The following SPDEF variants were observed in gnomAD, a reference collection of about 807,000 sequenced individuals.
SPDEF encodes SAM pointed domain containing ETS transcription factor.
A neutral mutation model predicts 36.0 loss-of-function variants in SPDEF; 12 were observed. The ratio of observed to expected loss-of-function variants is 0.33; its 90% CI spans 0.21 to 0.54. The LOEUF (loss-of-function observed/expected upper bound fraction) is 0.54, where lower values mean the gene tolerates loss of function less well. Among genes scored for constraint, SPDEF ranks in the 20% least tolerant of loss-of-function variants. The pLI, the probability that SPDEF is intolerant of heterozygous loss-of-function variation, is 0.93. For missense variants in SPDEF, 388 were observed against 456.9 expected (o/e 0.85, Z 1.37); for synonymous variants, 205 against 193.0 (o/e 1.06, Z -0.51).
At chr6:34,553,248 C>A (rs1768101203) in intron 1 of SPDEF, among the ~76,000 whole-genome samples, 1 of 152,210 alleles carries the variant, frequency 6.6e-6, no homozygotes, top group Non-Finnish European at 1.5e-5. Context: ...CAGAATCTGG[C>A]AGGGGGCACC....
At chr6:34,553,391 G>C (rs1299903860) in intron 1 of SPDEF, among the ~76,000 whole-genome samples, 1 of 152,030 alleles carries the variant, frequency 6.6e-6, no homozygotes, top group Non-Finnish European at 1.5e-5. Context: ...CCACTCGCTT[G>C]GCTGGGGGCA....
chr6:34,547,066 C>T (rs1767970397), intron 1 of SPDEF, among the ~76,000 whole-genome samples: 1 of 151,308 alleles, frequency 6.6e-6, no homozygotes, highest in South Asian at 2.1e-4. Context: ...TCCCCAGAGC[C>T]CCCATGCCTG....
chr6:34,546,698 C>A (rs368071591), intron 1 of SPDEF, among the ~76,000 whole-genome samples: 1 of 150,812 alleles, frequency 6.6e-6, no homozygotes, highest in East Asian at 2.0e-4. Context: ...GGAGAAAATG[C>A]CAGCAGGAGG....
At chr6:34,545,934 GCACA>G (rs374777796) in intron 1 of SPDEF, among the ~76,000 whole-genome samples, 1 of 151,308 alleles carries the variant, frequency 6.6e-6, no homozygotes. Flanking sequence ...CAAAACACAC[GCACA>G]CACACACAAA....
intron 1 of SPDEF, among the ~76,000 whole-genome samples, chr6:34,546,399 A>G (rs1767954226): frequency 6.6e-6 from 1 of 151,758 alleles, no homozygotes; most frequent in Non-Finnish European, 1.5e-5. Flanking sequence ...TCCCTGATCC[A>G]TCTCCAGTTA....
intron 2 of SPDEF, among the ~76,000 whole-genome samples, chr6:34,541,991 G>A (rs1179012812): frequency 6.6e-6 from 1 of 152,204 alleles, no homozygotes; most frequent in African/African-American, 2.4e-5. Context: ...CACTTAATAA[G>A]CCCATTTTCC....
At chr6:34,550,868 G>A (rs1158132560) in intron 1 of SPDEF, among the ~76,000 whole-genome samples, 1 of 152,164 alleles carries the variant, frequency 6.6e-6, no homozygotes, top group Non-Finnish European at 1.5e-5. Context: ...CAGTTCCCAC[G>A]GGCAGCAGGA....
In SPDEF at chr6:34,544,358, G is replaced by T; in HGVS notation, c.98C>A (p.Ala33Glu). ...VSRTGLEKAA[A>E]GAVGLERRDW... is the part of the protein sequence containing the mutation. ...CCGTCTCTCGAGACCCACTGCCCCC[G>T]CTGCCGCCTTCTCCAAGCCTGTCCG... Residue 33 changes from alanine to glutamate, a missense_variant, in exon 2 of 6, where the codon GCG becomes GAG. Around this residue, in one of 2 missense-constraint regions of SPDEF, gnomAD observed 308 missense variants for 326.1 expected, o/e 0.94. Coordinates refer to ENST00000374037, the MANE Select transcript of SPDEF (RefSeq NM_012391.3). This position sits in a 1 kb window ranked among gnomAD's most constrained non-coding sequence, Gnocchi z 4.4. The T allele has an allele frequency of 1.2e-6, 2 of 1,602,360 alleles. No individual in the cohort carries two copies. Among genetic ancestry groups the T allele is most frequent in the South Asian group, 1.1e-5 (1 of 90,746 alleles).
chr6:34,541,762 A>AGGGCACAGGGTGGCCATGGGGC (rs1671390983), intron 2 of SPDEF, among the ~76,000 whole-genome samples: 1 of 152,224 alleles, frequency 6.6e-6, no homozygotes, highest in South Asian at 2.1e-4. Flanking sequence ...AGTAAATGGC[A>AGGGCACAGGGTGGCCATGGGGC]GGGCACAGGG....
intron 1 of SPDEF, among the ~76,000 whole-genome samples, chr6:34,548,830 C>T (rs1768003435): frequency 6.6e-6 from 1 of 152,220 alleles, no homozygotes; most frequent in Non-Finnish European, 1.5e-5. Context: ...AGGCTCGCCT[C>T]ATCTGTGCCA....
Position 34,541,103 on chromosome 6 carries a change from C to A in SPDEF, c.515G>T (p.Gly172Val). The part of the protein sequence containing the change: ...TEHQYRLPPM[G>V]KAFQELAGKE... ...GCCCGCCAGCTCCTGGAAGGCCTTG[C>A]CCATGGGGGGCAGCCGGTATTGGTG... The change falls in exon 3 of 6, where the codon GGC becomes GTC. Residue 172 changes from glycine to valine, a missense_variant. Physicochemically the swap from Gly to Val is moderately radical, Grantham distance 109. This residue lies in a region of SPDEF where 308 missense variants were observed against 326.1 expected (regional missense o/e 0.94). Transcript: ENST00000374037. The A allele has an allele frequency of 6.2e-7, 1 of 1,610,750 alleles. No individual in the cohort carries two copies. Among genetic ancestry groups the A allele is most frequent in the Non-Finnish European group, 8.5e-7 (1 of 1,178,926 alleles).
chr6:34,555,837 C>G lies in SPDEF; in HGVS notation c.-30+92G>C, dbSNP rs572331531. ...AGATGAGCTCTGAGCTGGCAAAGTG[C>G]GCCCCCTCCAAGTCCTGCCTGCAGT... On this transcript the variant is annotated intron_variant, in intron 1 of 5. Coordinates refer to ENST00000374037, the MANE Select transcript of SPDEF (RefSeq NM_012391.3). The surrounding 1 kb of genome is among the most constrained non-coding windows in gnomAD (Gnocchi z 5.2). The G allele has an allele frequency of 6.5e-6, 1 of 152,794 alleles. No homozygotes were observed. Among genetic ancestry groups the G allele is most frequent in the Non-Finnish European group, 1.5e-5 (1 of 68,206 alleles). The allele number at this position is 152,794 out of a possible 1,614,324, so 9.5% of individuals were successfully genotyped here. A position where few individuals can be genotyped will look rare whatever the true frequency, so the allele number is the denominator to read the frequency against.
chr6:34,540,417 A>C (rs1249557709), intron 3 of SPDEF, among the ~76,000 whole-genome samples: 1 of 152,046 alleles, frequency 6.6e-6, no homozygotes, highest in Admixed American at 6.5e-5. Context: ...TGTCAAAAAA[A>C]AAAAAAAGAA....
intron 1 of SPDEF, among the ~76,000 whole-genome samples, chr6:34,545,886 C>G (rs1561979530): frequency 6.6e-6 from 1 of 151,788 alleles, no homozygotes; most frequent in Non-Finnish European, 1.5e-5. Context: ...GCACTCCAGC[C>G]TGGGTGAAAG....
chr6:34,539,195 C>T lies in SPDEF; in HGVS notation c.829+55G>A. 6.3e-7 allele frequency: 1 copy of T among 1,595,884 alleles called. No homozygotes were observed. Among genetic ancestry groups the T allele is most frequent in the Non-Finnish European group, 8.5e-7 (1 of 1,171,022 alleles). The stretch of plus-strand genomic sequence containing the variant: ...CCCATGCACCGTGCCTGGCAGAAGC[C>T]CCCACAACCTCCATGCTCACTGGCC... On this transcript the variant is annotated intron_variant, in intron 5 of 5. Coordinates refer to ENST00000374037, the MANE Select transcript of SPDEF (RefSeq NM_012391.3). The surrounding 1 kb of genome is among the most constrained non-coding windows in gnomAD (Gnocchi z 5.2).
chr6:34,539,815 A>T lies in SPDEF; in HGVS notation c.635-253T>A, dbSNP rs962753713. ...TGCAACCCCTTGTTCAGATGAGGAC[A>T]TCTGACATGGGGGCTTGCCTGGGCT... On this transcript the variant is annotated intron_variant, in intron 3 of 5. Transcript: ENST00000374037. The surrounding 1 kb of genome is among the most constrained non-coding windows in gnomAD (Gnocchi z 5.2). 6.6e-6 allele frequency among the ~76,000 whole-genome samples: 1 copy of T among 152,186 alleles called. No individual in the cohort carries two copies. Among genetic ancestry groups the T allele is most frequent in the Non-Finnish European group, 1.5e-5 (1 of 68,016 alleles).
Position 34,538,908 on chromosome 6 carries a change from A to G in SPDEF, c.829+342T>C, listed in dbSNP as rs374535399. Among the ~76,000 whole-genome samples, 14 of 152,150 alleles carry G rather than the reference A, an allele frequency of 9.2e-5. No individual in the cohort carries two copies. The highest frequency in any genetic ancestry group is 7.7e-4 in the East Asian group (4 of 5,174). On this transcript the variant is annotated intron_variant, in intron 5 of 5. Transcript: ENST00000374037. The surrounding 1 kb of genome is among the most constrained non-coding windows in gnomAD (Gnocchi z 5.9). ...CTCTGTAGTTCCCAAGCCTGAAACA[A>G]CCTCTTTGCTATTCTCAGGCAGTTC...
chr6:34,548,977 C>T (rs1261746203), intron 1 of SPDEF, among the ~76,000 whole-genome samples: 2 of 152,238 alleles, frequency 1.3e-5, no homozygotes, highest in East Asian at 1.9e-4. Flanking sequence ...GACCAGAGGC[C>T]TCCTGACACT....
intron 2 of SPDEF, among the ~76,000 whole-genome samples, chr6:34,543,019 C>G (rs1382217250): frequency 6.6e-6 from 1 of 151,064 alleles, no homozygotes; most frequent in Non-Finnish European, 1.5e-5. Context: ...CGGTGAAACC[C>G]TGTCTCTACT....
Sources: allele counts gnomAD v4.1 joint callset (sites outside exome capture counted in the v4.1 genomes callset), GRCh38; gene constraint gnomAD v4.1.1; regional missense constraint gnomAD v4.1.1; non-coding constraint Gnocchi (gnomAD v3.1); transcripts MANE v1.5; gene names NCBI Gene and HGNC (gene_info 2026-07-23, HGNC 2026-07-21).